The following SEPTIN7 variants were observed in gnomAD, a reference collection of about 807,000 sequenced individuals.
SEPTIN7 encodes the protein septin 7, also known as septin-7.
Under a neutral mutation model 63.3 loss-of-function variants are expected in SEPTIN7, and 10 were observed. The ratio of observed to expected loss-of-function variants is 0.16; its 90% CI spans 0.10 to 0.27. SEPTIN7 has a LOEUF of 0.27. Among genes scored for constraint, SEPTIN7 ranks in the 10% least tolerant of loss-of-function variants. The pLI, the probability that SEPTIN7 is intolerant of heterozygous loss-of-function variation, is 1.00. For synonymous variants in SEPTIN7, 131 were observed against 165.3 expected (o/e 0.79, Z 1.59); for missense variants, 310 against 521.0 (o/e 0.59, Z 3.94).
intron 11 of SEPTIN7, among the ~76,000 whole-genome samples, chr7:35,895,492 A>G (rs1489612445): frequency 6.6e-6 from 1 of 152,228 alleles, no homozygotes; most frequent in Non-Finnish European, 1.5e-5. Context: ...TTTCTTTTAG[A>G]AACACACATT....
intron 3 of SEPTIN7, among the ~76,000 whole-genome samples, chr7:35,861,918 T>A (rs1562556909): frequency 1.3e-5 from 2 of 152,060 alleles, no homozygotes; most frequent in African/African-American, 4.8e-5. Flanking sequence ...GTTTTGCATA[T>A]TTTTTTTCTT....
intron 3 of SEPTIN7, among the ~76,000 whole-genome samples, chr7:35,848,991 T>C (rs761629642): frequency 2.2e-4 from 34 of 152,228 alleles, no homozygotes; most frequent in Admixed American, 5.9e-4. Flanking sequence ...GAATGTTTGC[T>C]ACTAGCTATC....
At chr7:35,885,678 A>C (rs1787189005) in intron 9 of SEPTIN7, 150 bp from the exon 10 acceptor site, 3 of 666,486 alleles carry the variant, frequency 4.5e-6, no homozygotes, top group Admixed American at 2.5e-5. Flanking sequence ...CCTCACATTG[A>C]GTGTACTATG....
At chr7:35,827,895 T>C (rs1272039054) in intron 1 of SEPTIN7, among the ~76,000 whole-genome samples, 1 of 152,186 alleles carries the variant, frequency 6.6e-6, no homozygotes, top group Non-Finnish European at 1.5e-5. Flanking sequence ...ATGATATGTT[T>C]TTAGCCAAAC....
chr7:35,801,208 G>A lies in SEPTIN7; in HGVS notation c.-2G>A. On this transcript the variant is annotated 5_prime_UTR_variant, in exon 1 of 14. Coordinates refer to ENST00000350320, the MANE Select transcript of SEPTIN7 (RefSeq NM_001788.6). ...GGGGCTGGTCGCGGAGGGGGGGAGG[G>A]GATGTCGGTCAGTGCGAGATCCGCT... is the stretch of plus-strand genomic sequence containing the variant. 6.6e-7 allele frequency: 1 copy of A among 1,515,764 alleles called. No homozygotes were observed. Among genetic ancestry groups the A allele is most frequent in the Non-Finnish European group, 8.8e-7 (1 of 1,130,916 alleles). The allele number at this position is 1,515,764 out of a possible 1,614,324, so 93.9% of individuals were successfully genotyped here.
chr7:35,861,815 A>G (rs1785527598), intron 3 of SEPTIN7, among the ~76,000 whole-genome samples: 1 of 152,184 alleles, frequency 6.6e-6, no homozygotes, highest in Admixed American at 6.5e-5. Context: ...CGCTCATTTG[A>G]AGGGAATGAA....
chr7:35,871,675 G>C (rs1786159356), intron 4 of SEPTIN7, among the ~76,000 whole-genome samples: 1 of 152,150 alleles, frequency 6.6e-6, no homozygotes, highest in South Asian at 2.1e-4. Context: ...AAGGAAGTAG[G>C]CTATCTCTAA....
intron 1 of SEPTIN7, among the ~76,000 whole-genome samples, chr7:35,814,909 G>A (rs1788950880): frequency 6.7e-6 from 1 of 150,110 alleles, no homozygotes; most frequent in Non-Finnish European, 1.5e-5. Flanking sequence ...TGGAAGGCAG[G>A]GCTTGCGGTG....
In SEPTIN7 at chr7:35,828,758, A is replaced by T. The variant is rs138159485; in HGVS notation, c.62-2734A>T. On this transcript the variant is annotated intron_variant, in intron 1 of 13. Coordinates refer to ENST00000350320, the MANE Select transcript of SEPTIN7 (RefSeq NM_001788.6). ...CTGCATGGCGATGATTCCTAAATCTATATTTTCAGCACCAACCAACCATGA... is the reference window on the plus strand; with the variant it reads ...CTGCATGGCGATGATTCCTAAATCTTTATTTTCAGCACCAACCAACCATGA... Among the ~76,000 whole-genome samples, 505 of 151,934 alleles carry T rather than the reference A, an allele frequency of 3.3e-3. 2 individuals are homozygous for T. Among genetic ancestry groups the T allele is most frequent in the African/African-American group, 0.012 (486 of 41,426 alleles).
At chr7:35,903,053 T>C (rs768818615) in intron 12 of SEPTIN7, 23 bp from the exon 13 acceptor site, 1 of 1,528,772 alleles carries the variant, frequency 6.5e-7, no homozygotes, top group Non-Finnish European at 8.8e-7. Flanking sequence ...TAGTTTTGTT[T>C]TATATATTGT....
the SEPTIN7 span, among the ~76,000 whole-genome samples, chr7:35,913,154 C>T: frequency 1.3e-5 from 2 of 152,078 alleles, no homozygotes; most frequent in Non-Finnish European, 2.9e-5. Flanking sequence ...GCTTAATCTT[C>T]CTCAGAGGGT....
At chr7:35,835,179 A>G (rs1312218816) in intron 3 of SEPTIN7, among the ~76,000 whole-genome samples, 1 of 152,162 alleles carries the variant, frequency 6.6e-6, no homozygotes, top group Non-Finnish European at 1.5e-5. Flanking sequence ...TACAAAAGTT[A>G]AGAGCCATAG....
At chr7:35,810,165 A>C (rs1375577293) in intron 1 of SEPTIN7, among the ~76,000 whole-genome samples, 3 of 152,164 alleles carry the variant, frequency 2.0e-5, no homozygotes, top group Admixed American at 1.3e-4. Context: ...ATTTTCTGAT[A>C]ATTGTAAATG....
At chr7:35,834,967 AT>A (rs141753926) in intron 3 of SEPTIN7, among the ~76,000 whole-genome samples, 26 of 150,428 alleles carry the variant, frequency 1.7e-4, no homozygotes, top group South Asian at 6.3e-4. Flanking sequence ...TCTGTAACAG[AT>A]TTTTTTTTTA....
chr7:35,888,124 AAAAC>A (rs1226361455), intron 10 of SEPTIN7, among the ~76,000 whole-genome samples: 1 of 152,224 alleles, frequency 6.6e-6, no homozygotes, highest in Admixed American at 6.5e-5. Context: ...ATGGGGAAAG[AAAAC>A]AAAAGGAGAA....
At chr7:35,914,458 A>T in the SEPTIN7 span, among the ~76,000 whole-genome samples, 1 of 152,180 alleles carries the variant, frequency 6.6e-6, no homozygotes, top group Non-Finnish European at 1.5e-5. Flanking sequence ...GACCTCCCCC[A>T]AGGAAGAAGG....
At chr7:35,875,141 A>T (rs1414471955) in intron 6 of SEPTIN7, among the ~76,000 whole-genome samples, 1 of 152,174 alleles carries the variant, frequency 6.6e-6, no homozygotes. Flanking sequence ...TTTATTTCCT[A>T]AAATTGCATG....
chr7:35,833,163 A>G (rs1379022106), intron 3 of SEPTIN7, among the ~76,000 whole-genome samples: 3 of 152,074 alleles, frequency 2.0e-5, no homozygotes, highest in Non-Finnish European at 4.4e-5. Context: ...AGTTATCTTC[A>G]ATTCATAGTG....
chr7:35,873,485 C>T (rs190618270), intron 5 of SEPTIN7, among the ~76,000 whole-genome samples, 156 bp from the exon 6 acceptor site: 14 of 152,164 alleles, frequency 9.2e-5, no homozygotes, highest in Admixed American at 8.5e-4. Flanking sequence ...ATTTATTCAA[C>T]ATAATTTATA....
Sources: gnomAD v4.1 joint callset for allele counts (sites outside exome capture counted in the v4.1 genomes callset) on GRCh38, gnomAD v4.1.1 for gene constraint, MANE v1.5 for transcripts, NCBI Gene and HGNC (gene_info 2026-07-23, HGNC 2026-07-21) for gene names.